Variants in SLC2A13 observed in about 807,000 individuals in gnomAD.
SLC2A13 encodes solute carrier family 2 member 13, also known as proton myo-inositol cotransporter.
In SLC2A13, 32 loss-of-function variants were observed where a neutral mutation model predicts 64.4. That is an observed-to-expected ratio of 0.50 (90% CI 0.37 to 0.67). The LOEUF (loss-of-function observed/expected upper bound fraction) is 0.67, where lower values mean the gene tolerates loss of function less well. Ranked by LOEUF, SLC2A13 falls within the 30% of genes least tolerant of loss-of-function variation. The pLI, the probability that SLC2A13 is intolerant of heterozygous loss-of-function variation, is 0.00. For synonymous variants in SLC2A13, 338 were observed against 327.1 expected (o/e 1.03, Z -0.36); for missense variants, 743 against 829.2 (o/e 0.90, Z 1.28).
intron 7 of SLC2A13, among the ~76,000 whole-genome samples, chr12:39,811,752 G>A (rs1942169577): frequency 6.6e-6 from 1 of 151,900 alleles, no homozygotes; most frequent in African/African-American, 2.4e-5. Flanking sequence ...CCTTAATCTG[G>A]AGTCTTTGTC....
chr12:39,957,573 G>C (rs1946338282), intron 3 of SLC2A13, among the ~76,000 whole-genome samples: 1 of 152,020 alleles, frequency 6.6e-6, no homozygotes, highest in African/African-American at 2.4e-5. Context: ...CACATCCAGG[G>C]AGTTCTCCAT....
intron 5 of SLC2A13, among the ~76,000 whole-genome samples, chr12:39,870,276 A>C (rs2135937650): frequency 6.6e-6 from 1 of 152,294 alleles, no homozygotes; most frequent in African/African-American, 2.4e-5. Flanking sequence ...AAATATTTAA[A>C]AGCAGCTATT....
chr12:39,872,532 C>T (rs1308812442), intron 4 of SLC2A13, among the ~76,000 whole-genome samples: 5 of 152,072 alleles, frequency 3.3e-5, no homozygotes, highest in East Asian at 3.9e-4. Flanking sequence ...TTATGTTTCC[C>T]GAAAAAGGGT....
In SLC2A13 at chr12:40,005,439, G is replaced by T. The variant is rs184952074; in HGVS notation, c.925+22862C>A. Among the ~76,000 whole-genome samples, 11 of 152,172 alleles carry T rather than the reference G, an allele frequency of 7.2e-5. No individual in the cohort carries two copies. The East Asian group carries it at 1.9e-3, about 27-fold the overall frequency. On this transcript the variant is annotated intron_variant, in intron 3 of 9. Coordinates refer to ENST00000280871, the MANE Select transcript of SLC2A13 (RefSeq NM_052885.4). ...TGTGGGTGTGTATCTGGTGGGTAGT[G>T]GAGTATGGTGATCACTTAAACTAAA...
rs1158855270 is a variant in SLC2A13, at chr12:39,895,631, T to TATGTATATGCGTGTATACGTACACAC, written c.1035-23696_1035-23671dup. Among the ~76,000 whole-genome samples, 16 of 141,440 alleles carry TATGTATATGCGTGTATACGTACACAC rather than the reference T, an allele frequency of 1.1e-4. 1 individual carries two copies. The highest frequency in any genetic ancestry group is 3.1e-4 in the African/African-American group (12 of 38,386). The allele number at this position is 141,440 out of a possible 152,430, so 92.8% of individuals were successfully genotyped here. On this transcript the variant is annotated intron_variant, in intron 4 of 9. Transcript: ENST00000280871. ...ATATACACATATATACGTACACACA[T>TATGTATATGCGTGTATACGTACACAC]ATGTATATGCGTGTATACGTACACA...
intron 4 of SLC2A13, among the ~76,000 whole-genome samples, chr12:39,891,502 A>G (rs1944607473): frequency 6.6e-6 from 1 of 152,192 alleles, no homozygotes; most frequent in Non-Finnish European, 1.5e-5. Context: ...AATCTGTAAT[A>G]TATTTACTCA....
chr12:39,832,351 G>T lies in SLC2A13; in HGVS notation c.1320-2123C>A, dbSNP rs183340161. 2.0e-4 allele frequency among the ~76,000 whole-genome samples: 31 copies of T among 152,150 alleles called. No homozygotes were observed. In the East Asian group the frequency reaches 3.1e-3, roughly 15 times the overall value. ...CTTAAATGATACTCATTTGGGAAAGGTCAACTCACTCATTTGCAGAGAAAT... is the reference window on the plus strand; with the variant it reads ...CTTAAATGATACTCATTTGGGAAAGTTCAACTCACTCATTTGCAGAGAAAT... On this transcript the variant is annotated intron_variant, in intron 6 of 9. Coordinates refer to ENST00000280871, the MANE Select transcript of SLC2A13 (RefSeq NM_052885.4).
intron 6 of SLC2A13, among the ~76,000 whole-genome samples, chr12:39,850,881 T>C (rs1043689500): frequency 4.6e-5 from 7 of 152,094 alleles, no homozygotes; most frequent in Admixed American, 3.9e-4. Context: ...AAGAGCTGAA[T>C]ATTTAGGCCC....
chr12:39,838,564 G>A (rs796937955), intron 6 of SLC2A13, among the ~76,000 whole-genome samples: 5 of 149,162 alleles, frequency 3.4e-5, no homozygotes, highest in African/African-American at 1.2e-4. Context: ...GGAAAAGTAA[G>A]TATTCATATA....
chr12:40,039,801 C>T (rs943878688), intron 2 of SLC2A13, among the ~76,000 whole-genome samples: 1 of 152,152 alleles, frequency 6.6e-6, no homozygotes, highest in Non-Finnish European at 1.5e-5. Flanking sequence ...AGTGATGAGC[C>T]CACATTAGCA....
chr12:40,008,870 T>C (rs1947470178), intron 3 of SLC2A13, among the ~76,000 whole-genome samples: 2 of 152,160 alleles, frequency 1.3e-5, no homozygotes, highest in East Asian at 1.9e-4. Context: ...AGAAAACATA[T>C]ACAAGGATGT....
intron 6 of SLC2A13, among the ~76,000 whole-genome samples, chr12:39,836,316 G>A (rs998644562): frequency 1.3e-5 from 2 of 152,066 alleles, no homozygotes; most frequent in African/African-American, 2.4e-5. Context: ...GGAAATTAGA[G>A]TCCAGGCAAG....
chr12:40,092,994 G>A (rs1037092102), intron 1 of SLC2A13, among the ~76,000 whole-genome samples: 5 of 152,198 alleles, frequency 3.3e-5, no homozygotes, highest in East Asian at 1.9e-4. Context: ...TATATCCCAC[G>A]TAATAAGTTT....
At chr12:39,978,513 A>G (rs1946809632) in intron 3 of SLC2A13, among the ~76,000 whole-genome samples, 1 of 152,216 alleles carries the variant, frequency 6.6e-6, no homozygotes, top group Admixed American at 6.5e-5. Flanking sequence ...TCACCTGGGA[A>G]GCGCAAGGGG....
chr12:40,096,941 A>C (rs1328383299), intron 1 of SLC2A13, among the ~76,000 whole-genome samples: 1 of 152,082 alleles, frequency 6.6e-6, no homozygotes, highest in South Asian at 2.1e-4. Flanking sequence ...ACAATCAAAA[A>C]CTGGATTTAT....
At chr12:40,085,385 G>C (rs1335996202) in intron 1 of SLC2A13, among the ~76,000 whole-genome samples, 3 of 152,230 alleles carry the variant, frequency 2.0e-5, no homozygotes, top group African/African-American at 4.8e-5. Context: ...GGTGTCTGAA[G>C]GCTGTTGGCA....
intron 3 of SLC2A13, among the ~76,000 whole-genome samples, chr12:40,002,094 T>A (rs1947329687): frequency 6.6e-6 from 1 of 152,238 alleles, no homozygotes; most frequent in African/African-American, 2.4e-5. Flanking sequence ...AATCATTGGA[T>A]GACTTTAAAT....
At chr12:40,035,226 A>G (rs1316166644) in intron 2 of SLC2A13, among the ~76,000 whole-genome samples, 1 of 152,212 alleles carries the variant, frequency 6.6e-6, no homozygotes, top group East Asian at 1.9e-4. Flanking sequence ...GGTCATCGTT[A>G]TTGATCAATA....
chr12:39,927,096 C>T (rs944277199), intron 4 of SLC2A13, among the ~76,000 whole-genome samples: 21 of 152,128 alleles, frequency 1.4e-4, no homozygotes, highest in African/African-American at 5.1e-4. Context: ...AACAGTAATA[C>T]ACTTTGCACT....
Sources: gnomAD v4.1 joint callset for allele counts (sites outside exome capture counted in the v4.1 genomes callset) on GRCh38, gnomAD v4.1.1 for gene constraint, MANE v1.5 for transcripts, NCBI Gene and HGNC (gene_info 2026-07-23, HGNC 2026-07-21) for gene names.